SETD2: variants seen among roughly 807,000 people sequenced by gnomAD.
SETD2 encodes histone-lysine N-methyltransferase SETD2.
A neutral mutation model predicts 242.1 loss-of-function variants in SETD2; 31 were observed. The observed-to-expected ratio is 0.13, with a 90% confidence interval of 0.10 to 0.17. The LOEUF (loss-of-function observed/expected upper bound fraction) is 0.17. Ranked by LOEUF, SETD2 falls within the 10% of genes least tolerant of loss-of-function variation. The pLI is 1.00. For missense variants in SETD2, 2,481 were observed against 3,046.3 expected, an observed-to-expected ratio of 0.81 and a Z score of 4.37; for synonymous variants, 1,006 against 1,066.5, an observed-to-expected ratio of 0.94 and a Z score of 1.11.
intron 18 of SETD2, among the ~76,000 whole-genome samples, chr3:47,021,488 GGGGGT>G (rs1322282987): frequency 2.6e-5 from 4 of 152,120 alleles, no homozygotes. Context: ...GGGATTGGTG[GGGGGT>G]GGCCTTTAAA....
chr3:47,142,970 C>T (rs889793225), intron 1 of SETD2, among the ~76,000 whole-genome samples: 2 of 152,066 alleles, frequency 1.3e-5, no homozygotes, highest in Admixed American at 1.3e-4. Context: ...GCGCCTGGCT[C>T]ATTGGCTTCT....
rs2106726521 is a variant in SETD2, at chr3:47,124,368, T to A, written c.268A>T (p.Thr90Ser). The A allele has an allele frequency of 6.4e-7, 1 of 1,551,696 alleles. No homozygotes were observed. Among genetic ancestry groups the A allele is most frequent in the Non-Finnish European group, 8.7e-7 (1 of 1,146,838 alleles). The part of the protein sequence containing the change: ...TKKTLQNRFL[T>S]ALGNEKQSDT... ...CTTTGCTTTTCATTGCCAAGTGCAG[T>A]GAGAAACCTATTCTGCAAAGTTTTC... Residue 90 changes from threonine to serine, a missense_variant, in exon 3 of 21, where the codon ACT becomes TCT. Thr to Ser is a moderately conservative substitution (Grantham distance 58). This residue lies in a region of SETD2 where 334 missense variants were observed against 374.5 expected (regional missense o/e 0.89). Transcript: ENST00000409792.
Position 47,072,036 on chromosome 3 carries a change from C to A in SETD2, c.6061-4918G>T, listed in dbSNP as rs1049130888. The stretch of plus-strand genomic sequence containing the variant: ...TAAGAACAAAATAATTGGTGGGGCG[C>A]AGTGGCTCACGCTTGTAATCCCAGC... On this transcript the variant is annotated intron_variant, in intron 12 of 20. Coordinates refer to ENST00000409792, the MANE Select transcript of SETD2 (RefSeq NM_014159.7). Among the ~76,000 whole-genome samples the A allele has an allele frequency of 3.9e-5, 6 of 152,182 alleles. No individual in the cohort carries two copies. The East Asian group carries it at 1.2e-3, about 29-fold the overall frequency.
chr3:47,121,336 A>G lies in SETD2; in HGVS notation c.3300T>C (p.His1100=), dbSNP rs368080733. The part of the protein sequence containing the change: ...SSQSYRHYSD[H]WEDERLESRR... ...TTGACTCCAATCTCTCATCTTCCCA[A>G]TGGTCAGAATAGTGTCTATAACTTT... The change falls in exon 3 of 21, where the codon CAT becomes CAC. Residue 1100 remains histidine, a synonymous_variant. Coordinates refer to ENST00000409792, the MANE Select transcript of SETD2 (RefSeq NM_014159.7). The G allele has an allele frequency of 2.7e-5, 43 of 1,610,684 alleles. No individual in the cohort carries two copies. The highest frequency in any genetic ancestry group is 4.0e-5 in the African/African-American group (3 of 74,914).
intron 1 of SETD2, among the ~76,000 whole-genome samples, chr3:47,139,249 C>T (rs1376724875): frequency 3.3e-5 from 5 of 152,190 alleles, no homozygotes; most frequent in African/African-American, 1.2e-4. Context: ...CCTTAATCCA[C>T]TCAGGGACCA....
At chr3:47,050,057 C>T (rs1409475009) in intron 15 of SETD2, among the ~76,000 whole-genome samples, 2 of 148,734 alleles carry the variant, frequency 1.3e-5, no homozygotes, top group African/African-American at 2.5e-5. Context: ...ATAGAGGAAA[C>T]ATGACCAAGT....
chr3:47,071,608 A>G (rs2040821940), intron 12 of SETD2, among the ~76,000 whole-genome samples: 1 of 152,170 alleles, frequency 6.6e-6, no homozygotes, highest in South Asian at 2.1e-4. Flanking sequence ...AAAAGATCAC[A>G]ATTTGGGGAA....
At chr3:47,044,306 C>T (rs1159971690) in intron 16 of SETD2, among the ~76,000 whole-genome samples, 2 of 129,888 alleles carry the variant, frequency 1.5e-5, no homozygotes, top group African/African-American at 5.9e-5. Context: ...GATCAAACCA[C>T]TGTACTCCAG....
chr3:47,043,064 A>C lies in SETD2; in HGVS notation c.7099-364T>G, dbSNP rs1431409572. 2.0e-5 allele frequency among the ~76,000 whole-genome samples: 3 copies of C among 151,606 alleles called. No homozygotes were observed. The East Asian group carries it at 5.8e-4, about 29-fold the overall frequency. On this transcript the variant is annotated intron_variant, in intron 16 of 20. Coordinates refer to ENST00000409792, the MANE Select transcript of SETD2 (RefSeq NM_014159.7). ...AAAAAAAAAAAAGAAAAACCAAAAAACCCCCTGAGAAGCAAATATGACAGA... is the reference window on the plus strand; with the variant it reads ...AAAAAAAAAAAAGAAAAACCAAAAACCCCCCTGAGAAGCAAATATGACAGA...
chr3:47,021,747 T>C (rs1024294128), intron 18 of SETD2, among the ~76,000 whole-genome samples: 3 of 152,170 alleles, frequency 2.0e-5, no homozygotes, highest in African/African-American at 7.2e-5. Context: ...TAACATTTAC[T>C]CAAATCTAAT....
At position 47,123,488 on chromosome 3, in the gene SETD2, A is replaced by C. The variant is rs1264545105; in HGVS notation, c.1148T>G (p.Leu383Arg). 2 of 1,551,242 alleles carry C rather than the reference A, an allele frequency of 1.3e-6. No homozygotes were observed. The highest frequency in any genetic ancestry group is 1.7e-6 in the Non-Finnish European group (2 of 1,146,942). Residue 383 changes from leucine to arginine, a missense_variant, in exon 3 of 21, where the codon CTT (leucine) becomes CGT (arginine). Physicochemically the swap from Leu to Arg is moderately radical, Grantham distance 102. Coordinates refer to ENST00000409792, the MANE Select transcript of SETD2 (RefSeq NM_014159.7). The stretch of plus-strand genomic sequence containing the variant: ...AGATACATACCGAGTATCTCTTTCA[A>C]GTTTTGAATAGCTAAAATATTTATC... The part of the protein sequence containing the change: ...RDDKYFSYSK[L>R]ERDTRYVSSR...
chr3:47,134,869 C>G (rs1437304813), intron 1 of SETD2, among the ~76,000 whole-genome samples: 1 of 152,130 alleles, frequency 6.6e-6, no homozygotes. Context: ...AGTGATCAAC[C>G]CACCTCGGTC....
intron 15 of SETD2, among the ~76,000 whole-genome samples, chr3:47,048,563 A>T (rs545883737): frequency 1.4e-3 from 203 of 141,826 alleles, no homozygotes; most frequent in African/African-American, 6.2e-3. Context: ...GTTTATTAAC[A>T]TTTTTTTAAT....
At chr3:47,162,935 T>C (rs1267051483) in intron 1 of SETD2, among the ~76,000 whole-genome samples, 1 of 152,212 alleles carries the variant, frequency 6.6e-6, no homozygotes, top group East Asian at 1.9e-4. Context: ...AAAATTACTA[T>C]TGGGCAAAAC....
chr3:47,039,448 C>A (rs1471080620), intron 17 of SETD2, among the ~76,000 whole-genome samples: 3 of 152,062 alleles, frequency 2.0e-5, no homozygotes, highest in Non-Finnish European at 4.4e-5. Flanking sequence ...CTCCTGACCT[C>A]ATGATCCGCC....
intron 12 of SETD2, among the ~76,000 whole-genome samples, chr3:47,080,068 T>TA (rs2041257850): frequency 6.6e-6 from 1 of 152,214 alleles, no homozygotes. Context: ...AGATTTCACA[T>TA]ACAATATTAG....
At position 47,040,569 on chromosome 3, in the gene SETD2, A is replaced by ATTTTTTTTTTT. The variant is rs34309892; in HGVS notation, c.7238+1981_7238+1991dup. ...AAAATAGATGACATGAGGGAAAAGG[A>ATTTTTTTTTTT]TTTTTTTTTTTTTTTTTTTTTTGGA... On this transcript the variant is annotated intron_variant, in intron 17 of 20. Coordinates refer to ENST00000409792, the MANE Select transcript of SETD2 (RefSeq NM_014159.7). Among the ~76,000 whole-genome samples, 34 of 91,714 alleles carry ATTTTTTTTTTT rather than the reference A, an allele frequency of 3.7e-4. 1 individual carries two copies. The highest frequency in any genetic ancestry group is 1.2e-3 in the African/African-American group (28 of 22,838). 60.2% of individuals were successfully genotyped at this position (91,714 alleles called of 152,430 possible).
At chr3:47,043,602 A>G (rs1374422863) in intron 16 of SETD2, among the ~76,000 whole-genome samples, 1 of 152,228 alleles carries the variant, frequency 6.6e-6, no homozygotes, top group African/African-American at 2.4e-5. Flanking sequence ...CTATTAATGA[A>G]GAATACATTT....
At position 47,123,789 on chromosome 3, in the gene SETD2, C is replaced by A. The variant is rs2106712324; in HGVS notation, c.847G>T (p.Asp283Tyr). ...TCTTCATCCTTCCCAATATGGGAATCTTCTTTTTTTGAGGAAATATCTGCT... is the reference window on the plus strand; with the variant it reads ...TCTTCATCCTTCCCAATATGGGAATATTCTTTTTTTGAGGAAATATCTGCT... ...EQADISSKKE[D>Y]SHIGKDEEIP... Residue 283 changes from aspartate to tyrosine, a missense_variant, in exon 3 of 21, where the codon GAT becomes TAT. By Grantham distance (160) the Asp-to-Tyr change is radical (BLOSUM62 -3). This residue lies in a region of SETD2 where 334 missense variants were observed against 374.5 expected (regional missense o/e 0.89). Coordinates refer to ENST00000409792, the MANE Select transcript of SETD2 (RefSeq NM_014159.7). The A allele has an allele frequency of 6.5e-7, 1 of 1,547,234 alleles. No homozygotes were observed. Among genetic ancestry groups the A allele is most frequent in the Non-Finnish European group, 8.7e-7 (1 of 1,145,202 alleles).
Sources: allele counts gnomAD v4.1 joint callset (sites outside exome capture counted in the v4.1 genomes callset), GRCh38; gene constraint gnomAD v4.1.1; regional missense constraint gnomAD v4.1.1; transcripts MANE v1.5; gene names NCBI Gene and HGNC (gene_info 2026-07-23, HGNC 2026-07-21).